The following ANXA4 variants were observed in gnomAD, a reference collection of about 807,000 sequenced individuals.
ANXA4 encodes annexin A4.
In ANXA4, 39 loss-of-function variants were observed where a neutral mutation model predicts 49.8. The observed-to-expected ratio is 0.78, with a 90% CI of 0.61 to 1.02. The LOEUF (loss-of-function observed/expected upper bound fraction) is 1.02. Among genes scored for constraint, ANXA4 ranks in the 50% least tolerant of loss-of-function variants. ANXA4 has a pLI of 0.00. For missense variants in ANXA4, 360 were observed against 410.1 expected, an observed-to-expected ratio of 0.88 and a Z score of 1.05; for synonymous variants, 134 against 152.5, an observed-to-expected ratio of 0.88 and a Z score of 0.89.
At chr2:69,804,474 C>T in intron 3 of ANXA4, 59 bp from the exon 4 acceptor site, 1 of 1,478,456 alleles carries the variant, frequency 6.8e-7, no homozygotes, top group Non-Finnish European at 9.4e-7. Context: ...CACAGAGGAA[C>T]CTGCTTTCTC....
At chr2:69,676,081 C>T (rs1408724666) in intron 2 of ANXA4, among the ~76,000 whole-genome samples, 1 of 150,778 alleles carries the variant, frequency 6.6e-6, no homozygotes, top group African/African-American at 2.4e-5. Flanking sequence ...CTATATTTTG[C>T]CACAATAAAA....
intron 3 of ANXA4, among the ~76,000 whole-genome samples, chr2:69,792,990 C>T (rs928177614): frequency 1.3e-5 from 2 of 152,182 alleles, no homozygotes; most frequent in Admixed American, 1.3e-4. Flanking sequence ...GCAATGGCTC[C>T]TGCCTGTAAT....
intron 3 of ANXA4, among the ~76,000 whole-genome samples, chr2:69,734,107 G>T (rs974451642): frequency 6.6e-6 from 1 of 152,182 alleles, no homozygotes; most frequent in African/African-American, 2.4e-5. Flanking sequence ...GGTGGAGGAA[G>T]CCATCTGGCA....
At position 69,826,880 on chromosome 2, in the gene ANXA4, C is replaced by T. The variant is rs946068881; in HGVS notation, c.*1365C>T. On this transcript the variant is annotated 3_prime_UTR_variant, in exon 13 of 13. Transcript: ENST00000394295. ...TTTTCATCTTGGCCCCTGAAAGGAG[C>T]TATTTTTGAAGGACTTGTGTTACTC... 6.6e-6 allele frequency: 1 copy of T among 151,364 alleles called. No individual in the cohort carries two copies. The highest frequency in any genetic ancestry group is 1.5e-5 in the Non-Finnish European group (1 of 67,952). 9.4% of individuals were successfully genotyped at this position (151,364 alleles called of 1,614,324 possible). A position where few individuals can be genotyped will look rare whatever the true frequency, so the allele number is the denominator to read the frequency against.
At chr2:69,774,325 G>C (rs780251921) in intron 1 of ANXA4, among the ~76,000 whole-genome samples, 1 of 119,774 alleles carries the variant, frequency 8.3e-6, no homozygotes, top group East Asian at 2.8e-4. Context: ...TATGTAAAAG[G>C]AGCCCCCCCC....
intron 2 of ANXA4, among the ~76,000 whole-genome samples, chr2:69,671,025 CAAAAAAAAAAAAAAAA>C (rs762968256): frequency 3.1e-5 from 1 of 32,546 alleles, no homozygotes; most frequent in African/African-American, 1.1e-4. Context: ...GACTCCATCT[CAAAAAAAAAAAAAAAA>C]AAAAAAAAGA....
chr2:69,807,062 G>C (rs1419719243), intron 5 of ANXA4, among the ~76,000 whole-genome samples: 2 of 152,168 alleles, frequency 1.3e-5, no homozygotes, highest in African/African-American at 4.8e-5. Flanking sequence ...CAGGTGTAAA[G>C]TATAGGAGAT....
At chr2:69,698,107 C>T (rs1322165060) in intron 2 of ANXA4, among the ~76,000 whole-genome samples, 2 of 152,128 alleles carry the variant, frequency 1.3e-5, no homozygotes, top group Non-Finnish European at 2.9e-5. Context: ...CTGATGTGGC[C>T]TGCTTTCTGG....
intron 2 of ANXA4, among the ~76,000 whole-genome samples, chr2:69,783,373 G>A (rs550682660): frequency 2.0e-5 from 3 of 151,990 alleles, no homozygotes; most frequent in African/African-American, 4.8e-5. Flanking sequence ...TCGCCACCAC[G>A]CCTGACTAAT....
At chr2:69,652,430 A>G (rs1007878330) in intron 1 of ANXA4, among the ~76,000 whole-genome samples, 6 of 152,194 alleles carry the variant, frequency 3.9e-5, no homozygotes, top group African/African-American at 9.7e-5. Context: ...CTATGAGTCA[A>G]TCTTTTTCTT....
At chr2:69,696,729 G>A (rs188900981) in intron 2 of ANXA4, among the ~76,000 whole-genome samples, 3 of 152,192 alleles carry the variant, frequency 2.0e-5, no homozygotes, top group Non-Finnish European at 4.4e-5. Context: ...GTGTTAGCAG[G>A]CATGAAAACA....
intron 3 of ANXA4, among the ~76,000 whole-genome samples, chr2:69,729,652 G>T (rs1670046286): frequency 6.6e-6 from 1 of 152,142 alleles, no homozygotes; most frequent in Non-Finnish European, 1.5e-5. Context: ...GAAATCCCAG[G>T]ATAAAGTTAA....
intron 2 of ANXA4, among the ~76,000 whole-genome samples, chr2:69,713,261 C>A (rs1265702409): frequency 6.6e-6 from 1 of 152,014 alleles, no homozygotes; most frequent in Non-Finnish European, 1.5e-5. Flanking sequence ...CCATGAAGAA[C>A]CTCTACTCCA....
intron 2 of ANXA4, among the ~76,000 whole-genome samples, chr2:69,695,787 C>T (rs1156752275): frequency 2.0e-5 from 3 of 152,294 alleles, no homozygotes; most frequent in East Asian, 1.9e-4. Flanking sequence ...AAGTGAGTCA[C>T]ACAGATTTTT....
At position 69,770,761 on chromosome 2, in the gene ANXA4, G is replaced by A. The variant is rs78080465; in HGVS notation, c.-46-10759G>A. Among the ~76,000 whole-genome samples, 468 of 151,404 alleles carry A rather than the reference G, an allele frequency of 3.1e-3. 3 individuals are homozygous for A. Among genetic ancestry groups the A allele is most frequent in the African/African-American group, 0.011 (441 of 40,906 alleles). ...AACACACACGTGCAGACACACACAC[G>A]TGCAGACACACACATATTGCTAATT... On this transcript the variant is annotated intron_variant, in intron 1 of 12. Coordinates refer to ENST00000394295, the MANE Select transcript of ANXA4 (RefSeq NM_001153.5).
chr2:69,652,468 G>A (rs1481023046), intron 1 of ANXA4, among the ~76,000 whole-genome samples: 1 of 152,180 alleles, frequency 6.6e-6, no homozygotes, highest in Non-Finnish European at 1.5e-5. Context: ...GTTGTTGGGA[G>A]AAGCTTAGGG....
intron 2 of ANXA4, among the ~76,000 whole-genome samples, chr2:69,716,124 GACC>G (rs750289809): frequency 2.3e-4 from 35 of 152,314 alleles, no homozygotes; most frequent in Non-Finnish European, 4.4e-4. Flanking sequence ...GAAAGGATGA[GACC>G]AACTCATAAT....
intron 7 of ANXA4, chr2:69,811,414 T>C (rs1260904545): frequency 6.6e-6 from 1 of 152,198 alleles, no homozygotes; most frequent in African/African-American, 2.4e-5. Context: ...AATAGTGACG[T>C]GTAGGATGAA....
chr2:69,789,777 C>A (rs1315424470), intron 3 of ANXA4, among the ~76,000 whole-genome samples: 1 of 152,066 alleles, frequency 6.6e-6, no homozygotes, highest in Non-Finnish European at 1.5e-5. Flanking sequence ...AGCTCTTATC[C>A]CATTCTCTGA....
Sources: allele counts gnomAD v4.1 joint callset (sites outside exome capture counted in the v4.1 genomes callset), GRCh38; gene constraint gnomAD v4.1.1; transcripts MANE v1.5; gene names NCBI Gene and HGNC (gene_info 2026-07-23, HGNC 2026-07-21).